RNF217: variants seen among roughly 807,000 people sequenced by gnomAD.
The protein encoded by RNF217 is ring finger protein 217, also known as E3 ubiquitin-protein ligase RNF217.
Under a neutral mutation model 57.8 loss-of-function variants are expected in RNF217, and 31 were observed. That is an observed-to-expected ratio of 0.54 (90% CI 0.40 to 0.72). RNF217 has a LOEUF of 0.72. Among genes scored for constraint, RNF217 ranks in the 30% least tolerant of loss-of-function variants. The pLI is 0.00. For synonymous variants in RNF217, 313 were observed against 294.0 expected, an observed-to-expected ratio of 1.06 and a Z score of -0.66; for missense variants, 696 against 708.3, an observed-to-expected ratio of 0.98 and a Z score of 0.20.
chr6:125,072,231 T>A (rs1232792811), intron 3 of RNF217, among the ~76,000 whole-genome samples: 1 of 152,208 alleles, frequency 6.6e-6, no homozygotes, highest in African/African-American at 2.4e-5. Flanking sequence ...TCTCTGTTAG[T>A]GTCAAATAAA....
chr6:125,081,702 T>C (rs1788582454), intron 5 of RNF217, among the ~76,000 whole-genome samples, 195 bp downstream of exon 5: 1 of 152,084 alleles, frequency 6.6e-6, no homozygotes, highest in Non-Finnish European at 1.5e-5. Flanking sequence ...AGTATGAATT[T>C]TTCAGTCTAT....
chr6:125,020,089 C>T (rs1032875653), intron 1 of RNF217, among the ~76,000 whole-genome samples: 2 of 152,128 alleles, frequency 1.3e-5, no homozygotes, highest in Non-Finnish European at 2.9e-5. Context: ...TGCCAGACTT[C>T]CCACCCTCAG....
chr6:125,061,755 T>G (rs1308958374), intron 3 of RNF217, among the ~76,000 whole-genome samples: 1 of 151,984 alleles, frequency 6.6e-6, no homozygotes, highest in African/African-American at 2.4e-5. Context: ...AACACATATT[T>G]TTATATATTT....
chr6:125,082,416 T>C, intron 5 of RNF217: 1 of 1,553,346 alleles, frequency 6.4e-7, no homozygotes, highest in African/African-American at 1.4e-5. Flanking sequence ...GTTAGGACAT[T>C]ATGTAATAGA....
chr6:125,012,764 C>T (rs936709241), intron 1 of RNF217, among the ~76,000 whole-genome samples: 7 of 152,012 alleles, frequency 4.6e-5, no homozygotes, highest in Non-Finnish European at 8.8e-5. Context: ...AGATGTGATG[C>T]TTTAATTTGA....
chr6:125,009,030 A>G (rs1785314728), intron 1 of RNF217: 1 of 383,566 alleles, frequency 2.6e-6, no homozygotes, highest in Non-Finnish European at 4.6e-6. Flanking sequence ...TTTATACCTC[A>G]TTACATATAA....
intron 1 of RNF217, chr6:125,006,316 T>A (rs1785177485): frequency 6.6e-6 from 1 of 152,202 alleles, no homozygotes; most frequent in South Asian, 2.1e-4. Context: ...AAAAGAGTTG[T>A]TCAATGCAGG....
intron 1 of RNF217, among the ~76,000 whole-genome samples, chr6:125,033,318 A>G (rs1326481304): frequency 2.2e-5 from 3 of 139,300 alleles, no homozygotes; most frequent in East Asian, 4.6e-4. Flanking sequence ...AGCATTAGGT[A>G]TATCTCCTAA....
At chr6:124,978,050 A>G (rs1784031466) in intron 1 of RNF217, among the ~76,000 whole-genome samples, 1 of 152,126 alleles carries the variant, frequency 6.6e-6, no homozygotes, top group African/African-American at 2.4e-5. Context: ...TGAGCACAAA[A>G]TATTTGCTTA....
intron 1 of RNF217, among the ~76,000 whole-genome samples, chr6:125,044,659 A>G (rs1787026085): frequency 6.6e-6 from 1 of 152,144 alleles, no homozygotes; most frequent in Admixed American, 6.6e-5. Flanking sequence ...TATGTTCTTA[A>G]CACAGAAGGG....
chr6:124,981,308 A>G (rs979176381), intron 1 of RNF217, among the ~76,000 whole-genome samples: 7 of 152,198 alleles, frequency 4.6e-5, no homozygotes, highest in Non-Finnish European at 8.8e-5. Context: ...CAGTTAATTT[A>G]GAAAGTTTAT....
rs1028392938 is a variant in RNF217 at position 125,084,614 on chromosome 6, G to A, written c.*1677G>A. On this transcript the variant is annotated 3_prime_UTR_variant, in exon 6 of 6. Transcript: ENST00000521654. ...TTTTATTTTTTGTTTGACATAAAAA[G>A]TGAAGTTGACTTGCGTGAATAACAA... The A allele has an allele frequency of 3.3e-5, 5 of 152,056 alleles. No homozygotes were observed. The highest frequency in any genetic ancestry group is 7.4e-5 in the Non-Finnish European group (5 of 67,882). 9.4% of individuals were successfully genotyped at this position (152,056 alleles called of 1,614,324 possible). A position where few individuals can be genotyped will look rare whatever the true frequency, so the allele number is the denominator to read the frequency against.
At chr6:124,997,731 C>G (rs1784806810) in intron 1 of RNF217, among the ~76,000 whole-genome samples, 1 of 152,194 alleles carries the variant, frequency 6.6e-6, no homozygotes, top group Non-Finnish European at 1.5e-5. Context: ...TGCTCGCTCT[C>G]TCTACAGCCC....
At position 125,087,696 on chromosome 6, in the gene RNF217, C is replaced by G. The variant is rs1788811440; in HGVS notation, c.*4759C>G. ...AAAGATTTAAAACAAATAAAACATA[C>G]CTGAAGAAAAGTAGCAATTTCTGAA... is the stretch of plus-strand genomic sequence containing the variant. On this transcript the variant is annotated 3_prime_UTR_variant, in exon 6 of 6. Coordinates refer to ENST00000521654, the MANE Select transcript of RNF217 (RefSeq NM_001286398.3). 1 of 151,794 alleles carries G rather than the reference C, an allele frequency of 6.6e-6. No individual in the cohort carries two copies. The highest frequency in any genetic ancestry group is 6.6e-5 in the Admixed American group (1 of 15,218). 9.4% of individuals were successfully genotyped at this position (151,794 alleles called of 1,614,324 possible).
chr6:125,061,114 T>C (rs1359616907), intron 3 of RNF217, among the ~76,000 whole-genome samples: 3 of 152,258 alleles, frequency 2.0e-5, no homozygotes, highest in African/African-American at 4.8e-5. Context: ...TTGTGTATTA[T>C]AAATAATGTG....
intron 1 of RNF217, among the ~76,000 whole-genome samples, chr6:125,019,337 T>G (rs1256476290): frequency 6.6e-6 from 1 of 152,138 alleles, no homozygotes; most frequent in East Asian, 1.9e-4. Flanking sequence ...TTACAAAAGA[T>G]TAGAACTTAC....
chr6:124,962,621 G>T lies in RNF217; in HGVS notation c.77G>T (p.Gly26Val). 1 of 1,314,782 alleles carries T rather than the reference G, an allele frequency of 7.6e-7. No homozygotes were observed. Among genetic ancestry groups the T allele is most frequent in the South Asian group, 2.3e-5 (1 of 43,778 alleles). 81.4% of individuals were successfully genotyped at this position (1,314,782 alleles called of 1,614,324 possible). The change falls in exon 1 of 6, where the codon GGC becomes GTC. Residue 26 changes from glycine (G) to valine (V), a missense_variant. Physicochemically the swap from Gly to Val is moderately radical, Grantham distance 109. Coordinates refer to ENST00000521654, the MANE Select transcript of RNF217 (RefSeq NM_001286398.3). The surrounding 1 kb of genome is among the most constrained non-coding windows in gnomAD (Gnocchi z 4.6). ...ESQTLASGTA[G>V]HPEPPRPQGD... ...CAGACCCTGGCCAGTGGCACTGCGG[G>T]CCACCCTGAGCCCCCGAGGCCTCAG...
chr6:125,033,284 G>A (rs974151150), intron 1 of RNF217, among the ~76,000 whole-genome samples: 1 of 145,954 alleles, frequency 6.9e-6, no homozygotes, highest in African/African-American at 2.5e-5. Flanking sequence ...ATGCTGGTGT[G>A]CTGCACCCAT....
chr6:125,033,652 CAT>C (rs1008475514), intron 1 of RNF217, among the ~76,000 whole-genome samples: 1 of 150,738 alleles, frequency 6.6e-6, no homozygotes, highest in African/African-American at 2.5e-5. Flanking sequence ...CCGCAATAAA[CAT>C]ATGTGTGCAT....
Sources: allele counts gnomAD v4.1 joint callset (sites outside exome capture counted in the v4.1 genomes callset), GRCh38; gene constraint gnomAD v4.1.1; non-coding constraint Gnocchi (gnomAD v3.1); transcripts MANE v1.5; gene names NCBI Gene and HGNC (gene_info 2026-07-23, HGNC 2026-07-21).